The following ASIC5 variants were observed in gnomAD, a reference collection of about 807,000 sequenced individuals.
ASIC5 encodes acid sensing ion channel subunit family member 5.
A neutral mutation model predicts 51.2 loss-of-function variants in ASIC5; 52 were observed. The observed-to-expected ratio is 1.02, with a 90% CI of 0.81 to 1.28. The LOEUF (loss-of-function observed/expected upper bound fraction) is 1.28. Among genes scored for constraint, ASIC5 ranks in the 50% most tolerant of loss-of-function variants. The pLI is 0.00. For missense variants in ASIC5, 635 were observed against 595.0 expected, an observed-to-expected ratio of 1.07 and a Z score of -0.70; for synonymous variants, 231 against 200.7, an observed-to-expected ratio of 1.15 and a Z score of -1.28.
chr4:155,838,733 C>G (rs760658286), intron 7 of ASIC5, 80 bp downstream of exon 7: 1 of 811,224 alleles, frequency 1.2e-6, no homozygotes, highest in Non-Finnish European at 2.0e-6. Context: ...CTGGGCTATC[C>G]ATAGTTTGAC....
chr4:155,850,389 A>G (rs1343688577), intron 4 of ASIC5, among the ~76,000 whole-genome samples: 1 of 151,976 alleles, frequency 6.6e-6, no homozygotes, highest in Non-Finnish European at 1.5e-5. Context: ...TTGATGTCTC[A>G]TGTCTTCCTA....
Position 155,833,607 on chromosome 4 carries a change from C to A in ASIC5, c.1236-1692G>T, listed in dbSNP as rs73855722. 3.3e-3 allele frequency among the ~76,000 whole-genome samples: 504 copies of A among 152,260 alleles called. 3 individuals carry two copies. The highest frequency in any genetic ancestry group is 0.012 in the African/African-American group (490 of 41,558). On this transcript the variant is annotated intron_variant, in intron 8 of 9. Transcript: ENST00000537611. ...GGAAAAATAAAGTTGTCTTGGAAGT[C>A]CAGAAATTTTAGTAATATTCCAATC...
intron 4 of ASIC5, among the ~76,000 whole-genome samples, chr4:155,849,097 C>T (rs1004902317): frequency 6.6e-5 from 10 of 152,058 alleles, no homozygotes; most frequent in African/African-American, 2.4e-4. Flanking sequence ...GTTATTTTAC[C>T]AAGGCTTTTA....
At chr4:155,859,429 C>T (rs988651570) in intron 2 of ASIC5, among the ~76,000 whole-genome samples, 1 of 151,904 alleles carries the variant, frequency 6.6e-6, no homozygotes, top group Non-Finnish European at 1.5e-5. Context: ...CTGACATACA[C>T]TTGGTATAGG....
intron 8 of ASIC5, among the ~76,000 whole-genome samples, chr4:155,833,458 C>A (rs187018822): frequency 2.6e-5 from 4 of 152,136 alleles, no homozygotes. Flanking sequence ...CAAAATATAT[C>A]ATTAATATGT....
chr4:155,841,074 A>C (rs959550656), intron 6 of ASIC5, among the ~76,000 whole-genome samples: 8 of 152,028 alleles, frequency 5.3e-5, no homozygotes, highest in African/African-American at 1.9e-4. Context: ...ATCTCCGAAT[A>C]CTCAGGGAGA....
At chr4:155,833,213 C>T (rs939363809) in intron 8 of ASIC5, among the ~76,000 whole-genome samples, 2 of 152,040 alleles carry the variant, frequency 1.3e-5, no homozygotes, top group Non-Finnish European at 2.9e-5. Flanking sequence ...AAGATGAAAC[C>T]ACCAAATGAA....
chr4:155,860,061 A>G (rs958535277), intron 2 of ASIC5, among the ~76,000 whole-genome samples: 3 of 152,004 alleles, frequency 2.0e-5, no homozygotes, highest in African/African-American at 7.2e-5. Flanking sequence ...GTTATTTTAA[A>G]TGTAACTAGA....
At chr4:155,856,767 G>A (rs559205221) in intron 2 of ASIC5, among the ~76,000 whole-genome samples, 10 of 152,084 alleles carry the variant, frequency 6.6e-5, no homozygotes, top group African/African-American at 1.7e-4. Context: ...TGACAGACAG[G>A]TTCCCAACAA....
rs140735742 is a variant in ASIC5, at chr4:155,863,606, C to T, written c.189G>A (p.Val63=). 24 of 1,613,664 alleles carry T rather than the reference C, an allele frequency of 1.5e-5. No individual in the cohort carries two copies. In the African/African-American group the frequency reaches 2.7e-4, roughly 18 times the overall value. Residue 63 remains valine, a synonymous_variant, in exon 2 of 10, where the codon GTG becomes GTA. Coordinates refer to ENST00000537611, the MANE Select transcript of ASIC5 (RefSeq NM_017419.3). ...IVQNRSKIRR[V]LWLVVVLGSV... is the part of the protein sequence containing the mutation. ...AGCCCAGAACCACCACCAACCAGAG[C>T]ACCCTGCGAATTTTGCTCCGGTTCT...
chr4:155,839,021 T>C lies in ASIC5; in HGVS notation c.1010-152A>G, dbSNP rs761548713. 138 of 569,508 alleles carry C rather than the reference T, an allele frequency of 2.4e-4. No individual in the cohort carries two copies. In the Middle Eastern group the frequency reaches 7.2e-3, roughly 30 times the overall value. The allele number at this position is 569,508 out of a possible 1,614,324, so 35.3% of individuals were successfully genotyped here. The stretch of plus-strand genomic sequence containing the variant: ...ACATCTATTCTTTCATAAGCAAAAC[T>C]ATGGAATCAAGTTAGTATCCAGTGA... On this transcript the variant is annotated intron_variant, in intron 6 of 9. Coordinates refer to ENST00000537611, the MANE Select transcript of ASIC5 (RefSeq NM_017419.3).
intron 1 of ASIC5, chr4:155,865,237 TA>T (rs1436007639): frequency 6.6e-6 from 1 of 152,016 alleles, no homozygotes; most frequent in Non-Finnish European, 1.5e-5. Context: ...ACTAAAATCT[TA>T]GAATAGCACC....
intron 2 of ASIC5, among the ~76,000 whole-genome samples, chr4:155,857,078 T>C (rs999182068): frequency 2.6e-5 from 4 of 152,060 alleles, no homozygotes; most frequent in African/African-American, 9.7e-5. Flanking sequence ...TTGTGAGAAA[T>C]ATTGTTTTGC....
chr4:155,845,956 A>G (rs1238741757), intron 4 of ASIC5, among the ~76,000 whole-genome samples: 1 of 152,058 alleles, frequency 6.6e-6, no homozygotes, highest in Non-Finnish European at 1.5e-5. Flanking sequence ...GTCTTTATGA[A>G]TCTATAAAAT....
At chr4:155,855,256 G>A (rs1158857477) in intron 2 of ASIC5, 2 of 151,808 alleles carry the variant, frequency 1.3e-5, no homozygotes, top group Admixed American at 6.6e-5. Flanking sequence ...CTACCTCAAA[G>A]TGTTCTTTTA....
chr4:155,842,506 T>C lies in ASIC5; in HGVS notation c.862-152A>G. 13 of 626,970 alleles carry C rather than the reference T, an allele frequency of 2.1e-5. 1 individual carries two copies. In the South Asian group the frequency reaches 3.3e-4, roughly 16 times the overall value. The allele number at this position is 626,970 out of a possible 1,614,324, so 38.8% of individuals were successfully genotyped here. A position where few individuals can be genotyped will look rare whatever the true frequency, so the allele number is the denominator to read the frequency against. ...TTACATTTGTCTATTTTGCCTACTCTATTGACCTGAAATTCCCTGAAGCTA... is the reference window on the plus strand; with the variant it reads ...TTACATTTGTCTATTTTGCCTACTCCATTGACCTGAAATTCCCTGAAGCTA... On this transcript the variant is annotated intron_variant, in intron 5 of 9. Transcript: ENST00000537611.
At chr4:155,863,399 T>C (rs1443132211) in intron 2 of ASIC5, 49 bp downstream of exon 2, 1 of 1,407,936 alleles carries the variant, frequency 7.1e-7, no homozygotes, top group South Asian at 1.3e-5. Context: ...AGAAAGATTA[T>C]ACTAGCAAAT....
intron 1 of ASIC5, chr4:155,864,940 C>G (rs899444409): frequency 6.6e-6 from 1 of 151,914 alleles, no homozygotes; most frequent in Non-Finnish European, 1.5e-5. Context: ...CAAAATAATA[C>G]TTTTGGAATA....
chr4:155,838,374 T>C (rs1253436990), intron 7 of ASIC5, among the ~76,000 whole-genome samples: 9 of 152,128 alleles, frequency 5.9e-5, no homozygotes, highest in African/African-American at 2.2e-4. Flanking sequence ...CAGTTATAAT[T>C]CCATTTATGA....
Sources: gnomAD v4.1 joint callset for allele counts (sites outside exome capture counted in the v4.1 genomes callset) on GRCh38, gnomAD v4.1.1 for gene constraint, MANE v1.5 for transcripts, NCBI Gene and HGNC (gene_info 2026-07-23, HGNC 2026-07-21) for gene names.